Variants in TSG101 observed in about 807,000 individuals in gnomAD.
TSG101 encodes the protein tumor susceptibility 101.
In TSG101, 19 loss-of-function variants were observed where a neutral mutation model predicts 48.5. That is an observed-to-expected ratio of 0.39 (90% CI 0.27 to 0.58). TSG101 has a LOEUF of 0.58. TSG101 is among the 20% of genes least tolerant of loss of function. TSG101 has a pLI of 0.55. For synonymous variants in TSG101, 174 were observed against 169.4 expected, an observed-to-expected ratio of 1.03 and a Z score of -0.21; for missense variants, 365 against 484.4, an observed-to-expected ratio of 0.75 and a Z score of 2.31.
Position 18,521,826 on chromosome 11 carries a change from G to A in TSG101, c.43-2223C>T, listed in dbSNP as rs137874721. 3.3e-3 allele frequency among the ~76,000 whole-genome samples: 506 copies of A among 151,818 alleles called. 1 individual carries two copies. Among genetic ancestry groups the A allele is most frequent in the Non-Finnish European group, 5.5e-3 (371 of 67,924 alleles). On this transcript the variant is annotated intron_variant, in intron 1 of 9. Transcript: ENST00000251968. ...CAAGTAGCTGGGACTACAGGTATGC[G>A]CCACAGTGTTTGGCTAATTTTTGTA... is the stretch of plus-strand genomic sequence containing the variant.
intron 4 of TSG101, among the ~76,000 whole-genome samples, chr11:18,510,059 A>C (rs1175664892): frequency 6.6e-6 from 1 of 152,202 alleles, no homozygotes; most frequent in East Asian, 1.9e-4. Flanking sequence ...AAAAGACATC[A>C]ATGATATCTT....
intron 2 of TSG101, among the ~76,000 whole-genome samples, chr11:18,517,800 C>T (rs1850204991): frequency 6.6e-6 from 1 of 152,182 alleles, no homozygotes; most frequent in African/African-American, 2.4e-5. Context: ...TCTATCACTA[C>T]AAAATGCACG....
At chr11:18,499,252 TATTA>T (rs1286116169) in intron 7 of TSG101, among the ~76,000 whole-genome samples, 1 of 135,462 alleles carries the variant, frequency 7.4e-6, no homozygotes, top group Non-Finnish European at 1.5e-5. Context: ...TATATTTATA[TATTA>T]TATATATTTT....
In TSG101 at chr11:18,509,574, T is replaced by C; in HGVS notation, c.449A>G (p.Tyr150Cys). 1 of 1,613,936 alleles carries C rather than the reference T, an allele frequency of 6.2e-7. No individual in the cohort carries two copies. The highest frequency in any genetic ancestry group is 8.5e-7 in the Non-Finnish European group (1 of 1,179,832). The change falls in exon 5 of 10, where the codon TAT becomes TGT. Residue 150 changes from tyrosine to cysteine, a missense_variant. Tyr to Cys is a radical substitution (Grantham distance 194, BLOSUM62 -2). Coordinates refer to ENST00000251968, the MANE Select transcript of TSG101 (RefSeq NM_006292.4). ...PVFSRPISAS[Y>C]PPYQATGPPN... ...TGGCCCCGTTGCCTGGTATGGCGGATAGGATGCCGAAATAGGACGAGAGAA... is the reference window on the plus strand; with the variant it reads ...TGGCCCCGTTGCCTGGTATGGCGGACAGGATGCCGAAATAGGACGAGAGAA...
At chr11:18,521,568 T>C (rs1590290284) in intron 1 of TSG101, among the ~76,000 whole-genome samples, 1 of 151,180 alleles carries the variant, frequency 6.6e-6, no homozygotes, top group East Asian at 1.9e-4. Flanking sequence ...AGGATCTCAC[T>C]ATGTTGCCCA....
intron 5 of TSG101, among the ~76,000 whole-genome samples, chr11:18,507,394 T>C (rs906750666): frequency 6.6e-5 from 10 of 152,214 alleles, no homozygotes; most frequent in African/African-American, 2.4e-4. Context: ...TGAGAAGTCC[T>C]ATACAAAACT....
rs868262266 is a variant in TSG101 at position 18,495,566 on chromosome 11, G to A, written c.640+6920C>T. Reference sequence around the variant, plus strand: ...CCACTATTTTTCAGGGATCTTGTATGTGAAACTGATTAAGATAGGTATAGT... The same window carrying A: ...CCACTATTTTTCAGGGATCTTGTATATGAAACTGATTAAGATAGGTATAGT... On this transcript the variant is annotated intron_variant, in intron 7 of 9. Coordinates refer to ENST00000251968, the MANE Select transcript of TSG101 (RefSeq NM_006292.4). 3.9e-5 allele frequency among the ~76,000 whole-genome samples: 6 copies of A among 151,956 alleles called. 1 individual carries two copies. In the Middle Eastern group the frequency reaches 0.01, roughly 258 times the overall value.
intron 7 of TSG101, among the ~76,000 whole-genome samples, chr11:18,493,888 A>G (rs987862656): frequency 2.0e-5 from 3 of 152,268 alleles, no homozygotes; most frequent in Non-Finnish European, 4.4e-5. Context: ...TTCTAATACT[A>G]CTTACAGGCT....
intron 7 of TSG101, among the ~76,000 whole-genome samples, chr11:18,487,036 G>C (rs1590270444): frequency 6.7e-6 from 1 of 149,880 alleles, no homozygotes; most frequent in African/African-American, 2.5e-5. Flanking sequence ...ACCAAACACT[G>C]CATGTTCTCA....
At chr11:18,526,006 T>G (rs771699792) in intron 1 of TSG101, among the ~76,000 whole-genome samples, 1 of 152,226 alleles carries the variant, frequency 6.6e-6, no homozygotes, top group East Asian at 1.9e-4. Flanking sequence ...TCATTTTACA[T>G]AGTTTTGGAA....
intron 5 of TSG101, among the ~76,000 whole-genome samples, chr11:18,508,978 G>A (rs1364684110): frequency 6.6e-6 from 1 of 152,112 alleles, no homozygotes; most frequent in African/African-American, 2.4e-5. Flanking sequence ...AGAAAATAGA[G>A]ATAACAGAGA....
chr11:18,514,111 T>C (rs376919001), intron 4 of TSG101, among the ~76,000 whole-genome samples: 126 of 151,504 alleles, frequency 8.3e-4, no homozygotes, highest in African/African-American at 2.7e-3. Context: ...AATCAGTAAG[T>C]ACCCTGGGGG....
At position 18,502,559 on chromosome 11, in the gene TSG101, A is replaced by G. The variant is rs2133918818; in HGVS notation, c.567T>C (p.Pro189=). ...PPNPSGYPGC[P]YPPGGPYPAT... is the part of the protein sequence containing the mutation. ...CAGGATATGGACCACCAGGTGGGTAAGGACAGCCTGGGTAACCACTAAAGA... is the reference window on the plus strand; with the variant it reads ...CAGGATATGGACCACCAGGTGGGTAGGGACAGCCTGGGTAACCACTAAAGA... Residue 189 remains proline, a synonymous_variant, in exon 7 of 10, where the codon CCT becomes CCC. Coordinates refer to ENST00000251968, the MANE Select transcript of TSG101 (RefSeq NM_006292.4). 2 of 1,612,846 alleles carry G rather than the reference A, an allele frequency of 1.2e-6. No homozygotes were observed. Among genetic ancestry groups the G allele is most frequent in the East Asian group, 4.5e-5 (2 of 44,842 alleles).
At chr11:18,490,652 T>C (rs1262516930) in intron 7 of TSG101, 10 of 447,168 alleles carry the variant, frequency 2.2e-5, no homozygotes, top group Admixed American at 8.5e-5. Context: ...AACAAGATAT[T>C]TGTCCAACAG....
intron 4 of TSG101, among the ~76,000 whole-genome samples, chr11:18,512,723 A>ATTTTTT (rs776263228): frequency 0.01 from 1,231 of 120,310 alleles, 40 homozygotes; most frequent in Non-Finnish European, 0.015. Context: ...GGACAGACAG[A>ATTTTTT]TTTTTTTTTT....
At chr11:18,502,373 G>C in intron 7 of TSG101, 113 bp downstream of exon 7, 2 of 733,586 alleles carry the variant, frequency 2.7e-6, no homozygotes, top group South Asian at 4.3e-5. Context: ...ATTATTATAG[G>C]TTTTCCTCTA....
chr11:18,481,392 G>A, intron 9 of TSG101: 1 of 1,299,886 alleles, frequency 7.7e-7, no homozygotes, highest in African/African-American at 1.5e-5. Flanking sequence ...TCATCTTAAT[G>A]CTGCCTGTGG....
intron 1 of TSG101, 110 bp downstream of exon 1, chr11:18,526,665 G>A (rs1590293329): frequency 7.4e-7 from 1 of 1,349,342 alleles, no homozygotes; most frequent in Non-Finnish European, 1.0e-6. Flanking sequence ...GACTGCACCG[G>A]GGCTTCCGGC....
chr11:18,506,684 C>T (rs1165796948), intron 6 of TSG101, among the ~76,000 whole-genome samples, 173 bp downstream of exon 6: 2 of 150,936 alleles, frequency 1.3e-5, no homozygotes, highest in East Asian at 3.9e-4. Context: ...AGCAAGACTC[C>T]ATCTCAAAAA....
Sources: gnomAD v4.1 joint callset for allele counts (sites outside exome capture counted in the v4.1 genomes callset) on GRCh38, gnomAD v4.1.1 for gene constraint, MANE v1.5 for transcripts, NCBI Gene and HGNC (gene_info 2026-07-23, HGNC 2026-07-21) for gene names.